GALNT13: variants seen among roughly 807,000 people sequenced by gnomAD.
The protein encoded by GALNT13 is polypeptide N-acetylgalactosaminyltransferase 13, also known as UDP-GalNAc:polypeptide N-acetylgalactosaminyltransferase 13.
In GALNT13, 28 loss-of-function variants were observed where a neutral mutation model predicts 64.2. The observed-to-expected ratio is 0.44, with a 90% CI of 0.32 to 0.60. The LOEUF is 0.60. Ranked by LOEUF, GALNT13 falls within the 20% of genes least tolerant of loss-of-function variation. The probability of loss-of-function intolerance (pLI) is 0.05; values close to 1 mark genes in which losing one functional copy is unlikely to be tolerated. For synonymous variants in GALNT13, 214 were observed against 224.6 expected, an observed-to-expected ratio of 0.95 and a Z score of 0.42; for missense variants, 577 against 669.8, an observed-to-expected ratio of 0.86 and a Z score of 1.53.
At chr2:153,479,456 C>T in the GALNT13 span, among the ~76,000 whole-genome samples, 3 of 152,108 alleles carry the variant, frequency 2.0e-5, no homozygotes, top group East Asian at 5.8e-4. Context: ...CAGGTTTTAC[C>T]GTGAGGTTTG....
chr2:153,232,369 G>A, the GALNT13 span, among the ~76,000 whole-genome samples: 1 of 152,176 alleles, frequency 6.6e-6, no homozygotes, highest in Non-Finnish European at 1.5e-5. Context: ...TCATTGTCAT[G>A]TGGTACCTTC....
At chr2:153,071,633 C>G in the GALNT13 span, among the ~76,000 whole-genome samples, 2 of 152,090 alleles carry the variant, frequency 1.3e-5, no homozygotes, top group South Asian at 2.1e-4. Flanking sequence ...TTTTACTGAC[C>G]GACAGAAATT....
chr2:154,041,044 G>T (rs1168767965), intron 3 of GALNT13, among the ~76,000 whole-genome samples: 1 of 139,114 alleles, frequency 7.2e-6, no homozygotes, highest in African/African-American at 2.5e-5. Flanking sequence ...GATTATATTG[G>T]TTTGGTTTGT....
At chr2:153,893,218 G>A (rs144765377) in intron 1 of GALNT13, among the ~76,000 whole-genome samples, 1 of 152,084 alleles carries the variant, frequency 6.6e-6, no homozygotes, top group African/African-American at 2.4e-5. Context: ...AACCACATTC[G>A]TCAAAAAATC....
At chr2:154,312,510 A>G (rs1164010877) in intron 9 of GALNT13, among the ~76,000 whole-genome samples, 1 of 152,186 alleles carries the variant, frequency 6.6e-6, no homozygotes, top group African/African-American at 2.4e-5. Flanking sequence ...GTGATAAATT[A>G]TTTGTCTGTT....
chr2:153,476,981 AT>A, the GALNT13 span, among the ~76,000 whole-genome samples: 1 of 152,132 alleles, frequency 6.6e-6, no homozygotes, highest in Non-Finnish European at 1.5e-5. Context: ...TCTTCCTTTC[AT>A]TAGCGGTGTA....
chr2:154,427,683 G>T (rs1700530926), intron 11 of GALNT13, among the ~76,000 whole-genome samples: 1 of 152,144 alleles, frequency 6.6e-6, no homozygotes, highest in Non-Finnish European at 1.5e-5. Context: ...GAGCATTAAA[G>T]CTGTAAAAAA....
chr2:154,006,349 C>T (rs1337161915), intron 3 of GALNT13, among the ~76,000 whole-genome samples: 1 of 152,110 alleles, frequency 6.6e-6, no homozygotes, highest in East Asian at 1.9e-4. Context: ...ATCAAATTTA[C>T]ATTAAGTGGA....
At chr2:153,429,104 T>C in the GALNT13 span, among the ~76,000 whole-genome samples, 2 of 152,302 alleles carry the variant, frequency 1.3e-5, no homozygotes, top group East Asian at 3.9e-4. Context: ...CTGGCATCCA[T>C]GTTATCACCA....
chr2:153,246,001 A>T, the GALNT13 span, among the ~76,000 whole-genome samples: 1 of 152,064 alleles, frequency 6.6e-6, no homozygotes, highest in Admixed American at 6.6e-5. Flanking sequence ...TTCGTAAAGC[A>T]TACACAAGTA....
the GALNT13 span, among the ~76,000 whole-genome samples, chr2:153,363,800 A>G: frequency 6.6e-6 from 1 of 152,210 alleles, no homozygotes; most frequent in South Asian, 2.1e-4. Context: ...GCTGAATTCT[A>G]CCAGAGCTAC....
intron 1 of GALNT13, among the ~76,000 whole-genome samples, chr2:153,894,197 G>C (rs1165022324): frequency 1.3e-5 from 2 of 151,954 alleles, no homozygotes; most frequent in African/African-American, 4.8e-5. Flanking sequence ...TGAAACAAAG[G>C]GAACAAAGAA....
At chr2:153,162,488 G>A in the GALNT13 span, among the ~76,000 whole-genome samples, 7,053 of 152,180 alleles carry the variant, frequency 0.046, 183 homozygotes, top group East Asian at 0.099. Context: ...GGCTTTTGAT[G>A]ATTGGAAAAA....
the GALNT13 span, among the ~76,000 whole-genome samples, chr2:153,140,874 C>A: frequency 6.6e-6 from 1 of 151,898 alleles, no homozygotes; most frequent in African/African-American, 2.4e-5. Flanking sequence ...TTTAAAATGG[C>A]CTGAAATATA....
the GALNT13 span, among the ~76,000 whole-genome samples, chr2:153,495,204 C>T: frequency 1.3e-5 from 2 of 152,108 alleles, no homozygotes; most frequent in African/African-American, 4.8e-5. Flanking sequence ...TAGGACTACA[C>T]AATGGTACAA....
At chr2:154,363,103 G>T (rs1404842832) in intron 9 of GALNT13, among the ~76,000 whole-genome samples, 7 of 151,900 alleles carry the variant, frequency 4.6e-5, no homozygotes, top group African/African-American at 1.7e-4. Context: ...CTGATCTCTG[G>T]GATTTGTTAT....
At chr2:153,606,949 C>T in the GALNT13 span, among the ~76,000 whole-genome samples, 5 of 149,304 alleles carry the variant, frequency 3.3e-5, no homozygotes, top group Non-Finnish European at 5.9e-5. Flanking sequence ...CATTCTTCAT[C>T]TCTTTTCATA....
the GALNT13 span, among the ~76,000 whole-genome samples, chr2:153,410,999 G>A: frequency 6.6e-6 from 1 of 151,558 alleles, no homozygotes; most frequent in Non-Finnish European, 1.5e-5. Flanking sequence ...TGAGTAGTTG[G>A]GACTGCAGGC....
At chr2:154,404,432 G>A (rs765844) in intron 10 of GALNT13, among the ~76,000 whole-genome samples, 99,200 of 152,008 alleles carry the variant, frequency 0.65, 32,921 homozygotes, top group Admixed American at 0.73. Context: ...TGTTCTCACA[G>A]ATTCTCAAAT....
Sources: gnomAD v4.1 joint callset for allele counts (sites outside exome capture counted in the v4.1 genomes callset) on GRCh38, gnomAD v4.1.1 for gene constraint, MANE v1.5 for transcripts, NCBI Gene and HGNC (gene_info 2026-07-23, HGNC 2026-07-21) for gene names.